Variants in RMND1 observed in about 807,000 individuals in gnomAD.
The protein encoded by RMND1 is required for meiotic nuclear division protein 1 homolog.
Under a neutral mutation model 54.0 loss-of-function variants are expected in RMND1, and 41 were observed. That is an observed-to-expected ratio of 0.76 (90% confidence interval 0.59 to 0.98). The LOEUF (loss-of-function observed/expected upper bound fraction) is 0.98, where lower values mean the gene tolerates loss of function less well. RMND1 is among the 50% of genes least tolerant of loss of function. The pLI, the probability that RMND1 is intolerant of heterozygous loss-of-function variation, is 0.00. For synonymous variants in RMND1, 183 were observed against 181.7 expected (o/e 1.01, Z -0.06); for missense variants, 457 against 532.0 (o/e 0.86, Z 1.39).
rs377148702 is a variant in RMND1 at position 151,434,885 on chromosome 6, G to A, written c.613+1561C>T. ...TATTTTTGAGACAGAGTCTCGCTCTGTCACCCAGGCTGGAGTGCAGTGGCA... is the reference window on the plus strand; with the variant it reads ...TATTTTTGAGACAGAGTCTCGCTCTATCACCCAGGCTGGAGTGCAGTGGCA... On this transcript the variant is annotated intron_variant, in intron 3 of 11. Transcript: ENST00000444024. Among the ~76,000 whole-genome samples the A allele has an allele frequency of 7.3e-4, 111 of 152,290 alleles. 1 individual carries two copies. Among genetic ancestry groups the A allele is most frequent in the African/African-American group, 2.6e-3 (107 of 41,548 alleles).
intron 11 of RMND1, 86 bp downstream of exon 11, chr6:151,405,634 T>C (rs1779588561): frequency 2.8e-6 from 2 of 710,140 alleles, no homozygotes; most frequent in Non-Finnish European, 4.8e-6. Flanking sequence ...GCTAATAATT[T>C]TCTATCTCAA....
intron 10 of RMND1, among the ~76,000 whole-genome samples, chr6:151,412,952 G>C (rs970211371): frequency 6.6e-6 from 1 of 151,970 alleles, no homozygotes; most frequent in Non-Finnish European, 1.5e-5. Flanking sequence ...ATTACCATTC[G>C]ACACAAGATT....
At chr6:151,422,135 C>T (rs1033915675) in intron 8 of RMND1, among the ~76,000 whole-genome samples, 1 of 152,092 alleles carries the variant, frequency 6.6e-6, no homozygotes, top group Non-Finnish European at 1.5e-5. Flanking sequence ...ACAATCGGCC[C>T]TCTATAAGTT....
chr6:151,406,340 G>A (rs1779617406), intron 10 of RMND1, among the ~76,000 whole-genome samples: 1 of 145,022 alleles, frequency 6.9e-6, no homozygotes. Flanking sequence ...TTCAAAATTT[G>A]GATGTGACAA....
intron 6 of RMND1, among the ~76,000 whole-genome samples, chr6:151,424,983 C>T (rs1444330008): frequency 1.3e-5 from 2 of 152,120 alleles, no homozygotes; most frequent in Non-Finnish European, 2.9e-5. Flanking sequence ...TGCTCTGTCA[C>T]CCAGACTGGA....
intron 5 of RMND1, 140 bp downstream of exon 5, chr6:151,429,998 T>C: frequency 1.7e-6 from 1 of 590,798 alleles, no homozygotes; most frequent in Non-Finnish European, 3.1e-6. Flanking sequence ...AAGATGAAAC[T>C]GATAAGTATC....
rs1164146362 is a variant in RMND1, at chr6:151,415,066, A to T, written c.1200+2213T>A. On this transcript the variant is annotated intron_variant, in intron 10 of 11. Coordinates refer to ENST00000444024, the MANE Select transcript of RMND1 (RefSeq NM_017909.4). The stretch of plus-strand genomic sequence containing the variant: ...AAGTTCTTGAAAAAAAAAAACAGTA[A>T]AAGAAATCTTAGAAGATCAGAAGGA... Among the ~76,000 whole-genome samples, 4 of 152,052 alleles carry T rather than the reference A, an allele frequency of 2.6e-5. No individual in the cohort carries two copies. In the East Asian group the frequency reaches 7.7e-4, roughly 29 times the overall value.
chr6:151,449,653 CTCTCCCCACG>C (rs1451375877), intron 1 of RMND1, among the ~76,000 whole-genome samples: 13 of 151,244 alleles, frequency 8.6e-5, no homozygotes, highest in African/African-American at 2.9e-4. Flanking sequence ...CCTCCTCTCC[CTCTCCCCACG>C]GTCCCCCTCT....
intron 6 of RMND1, among the ~76,000 whole-genome samples, chr6:151,424,474 A>AC (rs979794412): frequency 6.6e-6 from 1 of 152,018 alleles, no homozygotes; most frequent in African/African-American, 2.4e-5. Flanking sequence ...AAAAAAAAAA[A>AC]AAAGGTCAGT....
At chr6:151,424,024 T>A (rs532057733) in intron 6 of RMND1, among the ~76,000 whole-genome samples, 1 of 151,984 alleles carries the variant, frequency 6.6e-6, no homozygotes, top group Non-Finnish European at 1.5e-5. Flanking sequence ...ATTTTTTTTG[T>A]ATTTTTAATA....
intron 1 of RMND1, among the ~76,000 whole-genome samples, chr6:151,450,765 GA>G (rs911777001): frequency 2.9e-5 from 4 of 139,292 alleles, no homozygotes; most frequent in African/African-American, 7.4e-5. Flanking sequence ...AGAAAGGGGG[GA>G]AAGGGGGGGA....
At chr6:151,442,273 A>G (rs1440304972) in intron 2 of RMND1, among the ~76,000 whole-genome samples, 2 of 144,568 alleles carry the variant, frequency 1.4e-5, no homozygotes, top group Admixed American at 1.3e-4. Flanking sequence ...ATACACATAT[A>G]TGCTTACACA....
intron 10 of RMND1, among the ~76,000 whole-genome samples, chr6:151,412,235 C>T (rs1375978282): frequency 6.6e-6 from 1 of 152,204 alleles, no homozygotes; most frequent in African/African-American, 2.4e-5. Context: ...CTCCTGACCT[C>T]AGGTGATCCA....
At chr6:151,434,514 T>C (rs572963114) in intron 3 of RMND1, among the ~76,000 whole-genome samples, 30 of 152,162 alleles carry the variant, frequency 2.0e-4, no homozygotes, top group African/African-American at 7.0e-4. Context: ...CCCAGGGCAG[T>C]GAAGCCTGCA....
At chr6:151,424,159 T>C (rs1379413670) in intron 6 of RMND1, among the ~76,000 whole-genome samples, 1 of 151,888 alleles carries the variant, frequency 6.6e-6, no homozygotes, top group Admixed American at 6.6e-5. Context: ...CTGAAAACTT[T>C]TAAAAAAATG....
At chr6:151,431,378 C>T (rs1043132353) in intron 4 of RMND1, among the ~76,000 whole-genome samples, 1 of 152,074 alleles carries the variant, frequency 6.6e-6, no homozygotes, top group African/African-American at 2.4e-5. Context: ...CAGAAATGGC[C>T]ACTGAAGAAT....
At chr6:151,427,657 A>G (rs1348344485) in intron 5 of RMND1, 75 bp from the exon 6 acceptor site, 70 of 925,780 alleles carry the variant, frequency 7.6e-5, no homozygotes, top group Non-Finnish European at 1.1e-4. Flanking sequence ...TTTAATGCTT[A>G]TAACAGTCTT....
At chr6:151,445,253 G>A in intron 2 of RMND1, 55 bp downstream of exon 2, 3 of 1,546,908 alleles carry the variant, frequency 1.9e-6, no homozygotes, top group Admixed American at 4.1e-5. Context: ...ACGCACACTG[G>A]TTTAGCATGA....
intron 2 of RMND1, among the ~76,000 whole-genome samples, chr6:151,441,985 C>G (rs1272142291): frequency 6.6e-6 from 1 of 152,154 alleles, no homozygotes; most frequent in Non-Finnish European, 1.5e-5. Flanking sequence ...TGCACTAACT[C>G]TGGCTAGTGC....
Sources: gnomAD v4.1 joint callset for allele counts (sites outside exome capture counted in the v4.1 genomes callset) on GRCh38, gnomAD v4.1.1 for gene constraint, MANE v1.5 for transcripts, NCBI Gene and HGNC (gene_info 2026-07-23, HGNC 2026-07-21) for gene names.